ZMYND8: variants seen among roughly 807,000 people sequenced by gnomAD.
ZMYND8 encodes the protein zinc finger MYND-type containing 8, also known as MYND-type zinc finger-containing chromatin reader ZMYND8.
Under a neutral mutation model 140.8 loss-of-function variants are expected in ZMYND8, and 37 were observed. The ratio of observed to expected loss-of-function variants is 0.26; its 90% CI spans 0.20 to 0.35. ZMYND8 has a LOEUF of 0.35. Among genes scored for constraint, ZMYND8 ranks in the 10% least tolerant of loss-of-function variants. The probability of loss-of-function intolerance (pLI) is 1.00; values close to 1 mark genes in which losing one functional copy is unlikely to be tolerated. For missense variants in ZMYND8, 1,068 were observed against 1,570.0 expected, an observed-to-expected ratio of 0.68 and a Z score of 5.40; for synonymous variants, 592 against 597.1, an observed-to-expected ratio of 0.99 and a Z score of 0.12.
intron 2 of ZMYND8, among the ~76,000 whole-genome samples, chr20:47,321,104 T>A (rs2079910304): frequency 6.6e-6 from 1 of 152,188 alleles, no homozygotes; most frequent in African/African-American, 2.4e-5. Flanking sequence ...TGATCATGTT[T>A]ACATATTTAA....
At chr20:47,215,797 G>A (rs924872069) in intron 21 of ZMYND8, among the ~76,000 whole-genome samples, 6 of 152,150 alleles carry the variant, frequency 3.9e-5, no homozygotes, top group African/African-American at 7.2e-5. Flanking sequence ...TTCCTCAGTC[G>A]CACTAGCCAC....
intron 13 of ZMYND8, among the ~76,000 whole-genome samples, chr20:47,248,437 A>C (rs1049068360): frequency 6.6e-6 from 1 of 152,174 alleles, no homozygotes; most frequent in African/African-American, 2.4e-5. Flanking sequence ...TGGGTCCCTA[A>C]CTCTAGCTGC....
At chr20:47,265,053 C>CATATATATAT (rs199638521) in intron 11 of ZMYND8, among the ~76,000 whole-genome samples, 55 of 114,312 alleles carry the variant, frequency 4.8e-4, no homozygotes, top group South Asian at 2.2e-3. Context: ...AATATATATA[C>CATATATATAT]ATATATATAT....
chr20:47,322,645 G>A (rs1467005586), intron 2 of ZMYND8, among the ~76,000 whole-genome samples: 1 of 151,900 alleles, frequency 6.6e-6, no homozygotes, highest in African/African-American at 2.4e-5. Flanking sequence ...TCCTGACCTC[G>A]TGATCCACCT....
intron 8 of ZMYND8, 109 bp from the exon 9 acceptor site, chr20:47,283,757 A>G (rs904027711): frequency 3.7e-6 from 4 of 1,085,976 alleles, no homozygotes; most frequent in Admixed American, 2.0e-5. Flanking sequence ...AGTCCCATAG[A>G]GGGAACACCT....
At chr20:47,259,090 T>C (rs2074970293) in intron 12 of ZMYND8, among the ~76,000 whole-genome samples, 1 of 151,432 alleles carries the variant, frequency 6.6e-6, no homozygotes, top group Admixed American at 6.6e-5. Flanking sequence ...AGACCCACAG[T>C]GTCACGAGGA....
chr20:47,319,066 G>C lies in ZMYND8; in HGVS notation c.86-8862C>G, dbSNP rs777115685. The C allele has an allele frequency of 5.2e-6, 7 of 1,341,110 alleles. 1 individual carries two copies. The highest frequency in any genetic ancestry group is 3.5e-5 in the South Asian group (3 of 86,252). 83.1% of individuals were successfully genotyped at this position (1,341,110 alleles called of 1,614,324 possible). ...CCGGATCCTCAGCGGCCTCTCCCAG[G>C]GGGAGGAGGAAGAAGCAAAGAGAAC... On this transcript the variant is annotated intron_variant, in intron 2 of 22. Transcript: ENST00000471951.
At chr20:47,302,695 ACT>A (rs2078153424) in intron 3 of ZMYND8, among the ~76,000 whole-genome samples, 2 of 151,686 alleles carry the variant, frequency 1.3e-5, no homozygotes, top group Non-Finnish European at 2.9e-5. Flanking sequence ...CTCCCAGCAC[ACT>A]CTCTCTTCCC....
chr20:47,259,012 T>C (rs929028122), intron 12 of ZMYND8, among the ~76,000 whole-genome samples: 35 of 151,472 alleles, frequency 2.3e-4, no homozygotes, highest in African/African-American at 7.8e-4. Flanking sequence ...CCCACCACCA[T>C]GCCCACCCAC....
At chr20:47,353,265 G>A (rs1286634586) in intron 1 of ZMYND8, 2 of 152,082 alleles carry the variant, frequency 1.3e-5, no homozygotes, top group Non-Finnish European at 2.9e-5. Flanking sequence ...AAAGAAAAGG[G>A]GAAATGTTTT....
At chr20:47,234,371 C>T (rs2038943150) in intron 16 of ZMYND8, among the ~76,000 whole-genome samples, 1 of 152,206 alleles carries the variant, frequency 6.6e-6, no homozygotes, top group Non-Finnish European at 1.5e-5. Context: ...TTTGATGAAG[C>T]AAGCTGCCAT....
chr20:47,294,690 G>A lies in ZMYND8; in HGVS notation c.543C>T (p.Ala181=). ...IEQLSYLLKF[A]IQKMKQPGTD... ...CCCCTGGCTGTTTCATTTTCTGAAT[G>A]GCAAACTTGAGCAGGTAGGATAACT... is the stretch of plus-strand genomic sequence containing the variant. Residue 181 remains alanine, a synonymous_variant, in exon 5 of 23, where the codon GCC becomes GCT. Coordinates refer to ENST00000471951, the MANE Select transcript of ZMYND8 (RefSeq NM_001281775.3). The A allele has an allele frequency of 6.2e-7, 1 of 1,614,128 alleles. No individual in the cohort carries two copies. The highest frequency in any genetic ancestry group is 8.5e-7 in the Non-Finnish European group (1 of 1,179,986).
At chr20:47,275,328 C>T (rs1018045939) in intron 11 of ZMYND8, among the ~76,000 whole-genome samples, 2 of 151,982 alleles carry the variant, frequency 1.3e-5, no homozygotes, top group African/African-American at 4.8e-5. Context: ...CCTGTCTCTA[C>T]TAAAAATACA....
At chr20:47,288,813 A>G (rs1170548645) in intron 7 of ZMYND8, among the ~76,000 whole-genome samples, 2 of 152,210 alleles carry the variant, frequency 1.3e-5, no homozygotes, top group Non-Finnish European at 2.9e-5. Context: ...CTTAAACACT[A>G]GCAAACAGGC....
At position 47,210,927 on chromosome 20, in the gene ZMYND8, G is replaced by A. The variant is rs771965154; in HGVS notation, c.3569-30C>T. Reference sequence around the variant, plus strand: ...GGGGGAAAACCAATGTGTTTAGCGTGCCTGCCCACCTGCGCCTGAGCACAA... The same window carrying A: ...GGGGGAAAACCAATGTGTTTAGCGTACCTGCCCACCTGCGCCTGAGCACAA... On this transcript the variant is annotated intron_variant, in intron 22 of 22. Transcript: ENST00000471951. 2.5e-6 allele frequency: 4 copies of A among 1,605,400 alleles called. No individual in the cohort carries two copies. In the South Asian group the frequency reaches 4.4e-5, roughly 18 times the overall value.
Position 47,311,989 on chromosome 20 carries a change from G to C in ZMYND8, c.86-1785C>G, listed in dbSNP as rs748671527. Among the ~76,000 whole-genome samples, 3 of 152,274 alleles carry C rather than the reference G, an allele frequency of 2.0e-5. No individual in the cohort carries two copies. In the South Asian group the frequency reaches 6.2e-4, roughly 32 times the overall value. On this transcript the variant is annotated intron_variant, in intron 2 of 22. Transcript: ENST00000471951. ...ATGGTGGTCTTCTTAACTTAGGGAC[G>C]ATGTAATGACACAGCCTGGTGTACC...
Position 47,210,868 on chromosome 20 carries a change from T to C in ZMYND8, c.3598A>G (p.Ser1200Gly). 1 of 1,614,020 alleles carries C rather than the reference T, an allele frequency of 6.2e-7. No individual in the cohort carries two copies. Residue 1200 changes from serine (S) to glycine (G), a missense_variant, in exon 23 of 23, where the codon AGC becomes GGC. By Grantham distance (56) the Ser-to-Gly change is moderately conservative. Coordinates refer to ENST00000471951, the MANE Select transcript of ZMYND8 (RefSeq NM_001281775.3). ...YHSRSNKSSW[S>G]SSDEKRGSTR... Reference sequence around the variant, plus strand: ...GATCCCCTCTTCTCATCACTGCTGCTCCAACTGGATTTATTACTCCGGGAA... The same window carrying C: ...GATCCCCTCTTCTCATCACTGCTGCCCCAACTGGATTTATTACTCCGGGAA...
chr20:47,240,532 A>G (rs1017843952), intron 14 of ZMYND8, among the ~76,000 whole-genome samples: 1 of 151,960 alleles, frequency 6.6e-6, no homozygotes, highest in Non-Finnish European at 1.5e-5. Flanking sequence ...AATAATAATA[A>G]ATGAAAAGTA....
At position 47,356,644 on chromosome 20, in the gene ZMYND8, A is replaced by G; in HGVS notation, c.14+13T>C. 6.2e-7 allele frequency: 1 copy of G among 1,614,174 alleles called. No individual in the cohort carries two copies. The highest frequency in any genetic ancestry group is 1.1e-5 in the South Asian group (1 of 91,078). ...GGGAGGGGGAAAAAAGATGGTTAAA[A>G]AGTCGAGCTTACCTCTGTGGATGCA... On this transcript the variant is annotated intron_variant, in intron 1 of 22. Transcript: ENST00000471951.
Sources: gnomAD v4.1 joint callset for allele counts (sites outside exome capture counted in the v4.1 genomes callset) on GRCh38, gnomAD v4.1.1 for gene constraint, MANE v1.5 for transcripts, NCBI Gene and HGNC (gene_info 2026-07-23, HGNC 2026-07-21) for gene names.